Variants in EML6 observed in about 807,000 individuals in gnomAD.
The protein encoded by EML6 is echinoderm microtubule-associated protein-like 6.
In EML6, 154 loss-of-function variants were observed where a neutral mutation model predicts 240.1. The observed-to-expected ratio is 0.64, with a 90% CI of 0.56 to 0.73. The LOEUF (loss-of-function observed/expected upper bound fraction) is 0.73, where lower values mean the gene tolerates loss of function less well. Ranked by LOEUF, EML6 falls within the 30% of genes least tolerant of loss-of-function variation. The pLI is 0.00. For synonymous variants in EML6, 1,148 were observed against 899.0 expected, an observed-to-expected ratio of 1.28 and a Z score of -4.95; for missense variants, 2,964 against 2,474.6, an observed-to-expected ratio of 1.20 and a Z score of -4.20.
rs1683069685 is a variant in EML6, at chr2:54,729,674, G to A, written c.197+4416G>A. 3.3e-5 allele frequency among the ~76,000 whole-genome samples: 5 copies of A among 152,136 alleles called. 1 individual carries two copies. The highest frequency in any genetic ancestry group is 2.6e-4 in the Admixed American group (4 of 15,282). On this transcript the variant is annotated intron_variant, in intron 2 of 41. Coordinates refer to ENST00000356458, the MANE Select transcript of EML6 (RefSeq NM_001039753.4). ...GCAAGCTTTGGCTTCACTGCTTTAT[G>A]GCCTCTTATATTGTGGTCCCTACAA...
chr2:54,876,108 A>G (rs978865402), intron 16 of EML6, among the ~76,000 whole-genome samples: 1 of 152,212 alleles, frequency 6.6e-6, no homozygotes, highest in African/African-American at 2.4e-5. Context: ...TAATTAATGC[A>G]TGCTGTGACT....
intron 12 of EML6, among the ~76,000 whole-genome samples, chr2:54,862,107 G>A (rs762203775): frequency 1.3e-5 from 2 of 151,818 alleles, no homozygotes; most frequent in African/African-American, 4.8e-5. Flanking sequence ...AGGCTAAGGC[G>A]GGTGGATCAC....
At chr2:54,900,979 C>T (rs984109148) in intron 22 of EML6, among the ~76,000 whole-genome samples, 7 of 152,092 alleles carry the variant, frequency 4.6e-5, no homozygotes, top group Non-Finnish European at 1.0e-4. Context: ...AATATTTGTA[C>T]TGAGTAATTT....
chr2:54,910,598 A>C (rs1295086339), intron 24 of EML6, among the ~76,000 whole-genome samples: 1 of 152,222 alleles, frequency 6.6e-6, no homozygotes, highest in Non-Finnish European at 1.5e-5. Flanking sequence ...TTGCCAACAC[A>C]GTTTGCTGAG....
intron 28 of EML6, among the ~76,000 whole-genome samples, chr2:54,938,055 G>A (rs1675240787): frequency 1.3e-5 from 2 of 152,210 alleles, no homozygotes; most frequent in South Asian, 4.1e-4. Context: ...TTGTATAAAA[G>A]TTAGGTGGGG....
chr2:54,784,833 T>C (rs1384002181), intron 2 of EML6, among the ~76,000 whole-genome samples: 1 of 144,248 alleles, frequency 6.9e-6, no homozygotes, highest in Admixed American at 6.8e-5. Context: ...AAACAAATTG[T>C]TAAGAAAATC....
chr2:54,962,156 G>C (rs1185376349), intron 35 of EML6, among the ~76,000 whole-genome samples: 1 of 148,976 alleles, frequency 6.7e-6, no homozygotes, highest in Non-Finnish European at 1.5e-5. Context: ...CATCATCATA[G>C]CTCACTGCAA....
In EML6 at chr2:54,971,963, A is replaced by G. The variant is rs900799327; in HGVS notation, c.*1868A>G. ...AACATTGGTGCATGAATTTATTTTC[A>G]AAGTATAAAACACATCACTTAAACA... On this transcript the variant is annotated 3_prime_UTR_variant, in exon 42 of 42. Transcript: ENST00000356458. The G allele has an allele frequency of 6.6e-6, 1 of 152,228 alleles. No homozygotes were observed. The highest frequency in any genetic ancestry group is 2.4e-5 in the African/African-American group (1 of 41,456). 9.4% of individuals were successfully genotyped at this position (152,228 alleles called of 1,614,324 possible). A position where few individuals can be genotyped will look rare whatever the true frequency, so the allele number is the denominator to read the frequency against.
chr2:54,917,037 A>G (rs1673953977), intron 26 of EML6, 102 bp downstream of exon 26: 1 of 833,826 alleles, frequency 1.2e-6, no homozygotes, highest in Admixed American at 2.6e-5. Flanking sequence ...TAAGCAATTC[A>G]CATTATCGGA....
At chr2:54,799,459 C>T (rs1049791527) in intron 2 of EML6, among the ~76,000 whole-genome samples, 6 of 152,066 alleles carry the variant, frequency 3.9e-5, no homozygotes, top group Admixed American at 3.3e-4. Context: ...GATTCTCCTG[C>T]CTCAGCCTCC....
At chr2:54,824,303 C>G (rs1324893163) in intron 5 of EML6, among the ~76,000 whole-genome samples, 1 of 152,148 alleles carries the variant, frequency 6.6e-6, no homozygotes, top group Non-Finnish European at 1.5e-5. Flanking sequence ...CAGACTTGGA[C>G]ATTTTTTCTA....
At chr2:54,836,137 C>T (rs1669129365) in intron 7 of EML6, among the ~76,000 whole-genome samples, 1 of 152,162 alleles carries the variant, frequency 6.6e-6, no homozygotes, top group South Asian at 2.1e-4. Context: ...GAGCTGGAGA[C>T]AGATTTGCAG....
chr2:54,834,760 G>A (rs974010260), intron 7 of EML6, among the ~76,000 whole-genome samples: 4 of 152,226 alleles, frequency 2.6e-5, no homozygotes, highest in Admixed American at 6.5e-5. Context: ...TCCAGGACAT[G>A]AGATGCCCTG....
chr2:54,815,613 C>G (rs1305483855), intron 3 of EML6, among the ~76,000 whole-genome samples: 2 of 152,116 alleles, frequency 1.3e-5, no homozygotes, highest in Admixed American at 6.5e-5. Flanking sequence ...AATAAAAATA[C>G]AACCACATCT....
intron 4 of EML6, among the ~76,000 whole-genome samples, chr2:54,819,649 G>A (rs905874170): frequency 3.3e-5 from 5 of 151,930 alleles, no homozygotes; most frequent in African/African-American, 9.6e-5. Flanking sequence ...GGTGGCACGC[G>A]CCTGTAGTCC....
chr2:54,840,578 GA>G (rs1669390877), intron 7 of EML6, among the ~76,000 whole-genome samples: 1 of 152,130 alleles, frequency 6.6e-6, no homozygotes, highest in African/African-American at 2.4e-5. Context: ...AAAAATTTCT[GA>G]AATAAAGGAA....
At chr2:54,733,440 G>C (rs1683256210) in intron 2 of EML6, among the ~76,000 whole-genome samples, 6 of 152,316 alleles carry the variant, frequency 3.9e-5, no homozygotes, top group Admixed American at 3.9e-4. Context: ...AAGATTACAA[G>C]GTGACAAGAA....
At chr2:54,840,560 T>A (rs1669389601) in intron 7 of EML6, among the ~76,000 whole-genome samples, 1 of 152,212 alleles carries the variant, frequency 6.6e-6, no homozygotes. Flanking sequence ...CACAGAGTAG[T>A]GCTGAATAAA....
At chr2:54,811,511 A>C (rs1558569631) in intron 2 of EML6, among the ~76,000 whole-genome samples, 1 of 152,144 alleles carries the variant, frequency 6.6e-6, no homozygotes, top group Non-Finnish European at 1.5e-5. Flanking sequence ...GTGTATGTAT[A>C]TTGACATATC....
Sources: gnomAD v4.1 joint callset for allele counts (sites outside exome capture counted in the v4.1 genomes callset) on GRCh38, gnomAD v4.1.1 for gene constraint, MANE v1.5 for transcripts, NCBI Gene and HGNC (gene_info 2026-07-23, HGNC 2026-07-21) for gene names.